ADGRA3: variants seen among roughly 807,000 people sequenced by gnomAD.
The protein encoded by ADGRA3 is adhesion G protein-coupled receptor A3, also known as G-protein coupled receptor 125.
ADGRA3 carries 56 observed loss-of-function variants against 119.8 expected under a neutral mutation model. The ratio of observed to expected loss-of-function variants is 0.47; its 90% confidence interval spans 0.38 to 0.58. The LOEUF is 0.58. Among genes scored for constraint, ADGRA3 ranks in the 20% least tolerant of loss-of-function variants. The pLI is 0.00. For missense variants in ADGRA3, 1,516 were observed against 1,649.0 expected, an observed-to-expected ratio of 0.92 and a Z score of 1.40; for synonymous variants, 607 against 623.8, an observed-to-expected ratio of 0.97 and a Z score of 0.40.
intron 1 of ADGRA3, among the ~76,000 whole-genome samples, chr4:22,502,410 A>T (rs1440236364): frequency 6.6e-6 from 1 of 152,218 alleles, no homozygotes; most frequent in Non-Finnish European, 1.5e-5. Flanking sequence ...GATGACAGGC[A>T]TTGAGATATA....
intron 17 of ADGRA3, among the ~76,000 whole-genome samples, chr4:22,390,338 AAAATACATAT>A (rs374456728): frequency 0.032 from 3,456 of 106,412 alleles, 317 homozygotes; most frequent in African/African-American, 0.13. Context: ...ATATATATAT[AAAATACATAT>A]TATATATATA....
Position 22,413,172 on chromosome 4 carries a change from AC to A in ADGRA3, c.2232+9del. ...ATAGTGTTTATGCATAAAGTTAACA[AC>A]TGCCATACCATTAAAACTGCATAGT... On this transcript the variant is annotated intron_variant, in intron 14 of 18. Transcript: ENST00000334304. 1 of 1,591,940 alleles carries A rather than the reference AC, an allele frequency of 6.3e-7. No individual in the cohort carries two copies. The highest frequency in any genetic ancestry group is 8.6e-7 in the Non-Finnish European group (1 of 1,159,926).
chr4:22,404,997 G>A (rs184209442), intron 14 of ADGRA3, among the ~76,000 whole-genome samples: 7 of 152,226 alleles, frequency 4.6e-5, no homozygotes, highest in Admixed American at 3.3e-4. Flanking sequence ...TGCAGGAAAT[G>A]TTCAATAACA....
intron 1 of ADGRA3, among the ~76,000 whole-genome samples, chr4:22,494,841 C>T (rs1718755521): frequency 6.6e-6 from 1 of 151,710 alleles, no homozygotes; most frequent in Admixed American, 6.6e-5. Context: ...CAAAGAGAAC[C>T]AACTTATTTC....
intron 1 of ADGRA3, among the ~76,000 whole-genome samples, chr4:22,476,636 T>C (rs943362368): frequency 7.2e-5 from 11 of 151,764 alleles, no homozygotes; most frequent in African/African-American, 2.7e-4. Context: ...ATGAGGTTTC[T>C]ATTAATTTAT....
At chr4:22,415,193 C>G (rs1715381118) in intron 12 of ADGRA3, among the ~76,000 whole-genome samples, 2 of 152,096 alleles carry the variant, frequency 1.3e-5, no homozygotes, top group African/African-American at 4.8e-5. Context: ...CTACCACTTG[C>G]ATTTGATCAA....
At chr4:22,470,165 T>G (rs530517731) in intron 2 of ADGRA3, among the ~76,000 whole-genome samples, 1 of 152,204 alleles carries the variant, frequency 6.6e-6, no homozygotes, top group African/African-American at 2.4e-5. Flanking sequence ...TATGATACAA[T>G]ACATATGCAT....
intron 17 of ADGRA3, 89 bp from the exon 18 acceptor site, chr4:22,389,272 C>A: frequency 1.2e-6 from 1 of 834,940 alleles, no homozygotes; most frequent in Admixed American, 2.1e-5. Context: ...AAAAGTCATT[C>A]CCTGAAGATT....
intron 6 of ADGRA3, among the ~76,000 whole-genome samples, chr4:22,443,590 A>G (rs1716710467): frequency 6.6e-6 from 1 of 152,162 alleles, no homozygotes; most frequent in Admixed American, 6.5e-5. Flanking sequence ...TTAACGAGCT[A>G]AATATGCTGT....
At chr4:22,407,724 G>A (rs1026747961) in intron 14 of ADGRA3, among the ~76,000 whole-genome samples, 1 of 152,130 alleles carries the variant, frequency 6.6e-6, no homozygotes, top group African/African-American at 2.4e-5. Context: ...TCACAAAGAT[G>A]ATCATTACTA....
At chr4:22,500,109 A>AC (rs1488481784) in intron 1 of ADGRA3, among the ~76,000 whole-genome samples, 1 of 152,202 alleles carries the variant, frequency 6.6e-6, no homozygotes, top group Non-Finnish European at 1.5e-5. Flanking sequence ...GAGATGGTCG[A>AC]CCTGCACTTT....
chr4:22,416,777 G>A (rs1321003755), intron 12 of ADGRA3, among the ~76,000 whole-genome samples: 1 of 152,074 alleles, frequency 6.6e-6, no homozygotes, highest in Non-Finnish European at 1.5e-5. Context: ...CACAAGAAAT[G>A]ACTGTTACCA....
At chr4:22,431,644 C>T (rs534865501) in intron 10 of ADGRA3, among the ~76,000 whole-genome samples, 2 of 152,182 alleles carry the variant, frequency 1.3e-5, no homozygotes, top group Non-Finnish European at 2.9e-5. Context: ...CCTTTGCCTT[C>T]TGCCATGATT....
intron 3 of ADGRA3, among the ~76,000 whole-genome samples, chr4:22,455,657 T>C (rs915930602): frequency 1.1e-4 from 16 of 152,378 alleles, no homozygotes; most frequent in African/African-American, 3.1e-4. Context: ...AAAGTTTTAG[T>C]TAATATTTTG....
At chr4:22,504,797 G>A (rs1719180785) in intron 1 of ADGRA3, among the ~76,000 whole-genome samples, 1 of 151,948 alleles carries the variant, frequency 6.6e-6, no homozygotes, top group Admixed American at 6.6e-5. Context: ...AGGTCGCTGG[G>A]CTACTAAGCA....
At chr4:22,490,889 G>A (rs1718597119) in intron 1 of ADGRA3, among the ~76,000 whole-genome samples, 1 of 152,174 alleles carries the variant, frequency 6.6e-6, no homozygotes, top group African/African-American at 2.4e-5. Context: ...CAGCTCTGTA[G>A]GTCGGAAGTC....
At chr4:22,407,659 C>T (rs1714996425) in intron 14 of ADGRA3, among the ~76,000 whole-genome samples, 1 of 152,086 alleles carries the variant, frequency 6.6e-6, no homozygotes, top group Non-Finnish European at 1.5e-5. Context: ...AAGTTCTCCA[C>T]AGAAGTTAGC....
At chr4:22,461,947 G>T in intron 2 of ADGRA3, 139 bp from the exon 3 acceptor site, 1 of 481,104 alleles carries the variant, frequency 2.1e-6, no homozygotes, top group South Asian at 4.5e-5. Context: ...GTTAAGCCAA[G>T]ATCAACCCAG....
rs1715104045 is a variant in ADGRA3, at chr4:22,409,601, T to C, written c.2232+3581A>G. Among the ~76,000 whole-genome samples the C allele has an allele frequency of 4.6e-5, 7 of 152,278 alleles. No homozygotes were observed. The South Asian group carries it at 1.5e-3, about 32-fold the overall frequency. On this transcript the variant is annotated intron_variant, in intron 14 of 18. Coordinates refer to ENST00000334304, the MANE Select transcript of ADGRA3 (RefSeq NM_145290.4). ...GAGGCTGTTATAAGAGCTGAGTAAC[T>C]GAATGTATATAAAGACATCAGAGGA...
Sources: allele counts gnomAD v4.1 joint callset (sites outside exome capture counted in the v4.1 genomes callset), GRCh38; gene constraint gnomAD v4.1.1; transcripts MANE v1.5; gene names NCBI Gene and HGNC (gene_info 2026-07-23, HGNC 2026-07-21).